The following PHYHIPL variants were observed in gnomAD, a reference collection of about 807,000 sequenced individuals.
PHYHIPL encodes the protein phytanoyl-CoA hydroxylase-interacting protein-like.
A neutral mutation model predicts 33.4 loss-of-function variants in PHYHIPL; 9 were observed. That is an observed-to-expected ratio of 0.27 (90% CI 0.16 to 0.47). The LOEUF (loss-of-function observed/expected upper bound fraction) is 0.47. Among genes scored for constraint, PHYHIPL ranks in the 20% least tolerant of loss-of-function variants. The pLI, the probability that PHYHIPL is intolerant of heterozygous loss-of-function variation, is 0.99. For missense variants in PHYHIPL, 365 were observed against 460.7 expected, an observed-to-expected ratio of 0.79 and a Z score of 1.90; for synonymous variants, 153 against 154.1, an observed-to-expected ratio of 0.99 and a Z score of 0.05.
chr10:59,239,436 A>G (rs190498557), intron 4 of PHYHIPL, among the ~76,000 whole-genome samples: 73 of 152,074 alleles, frequency 4.8e-4, no homozygotes, highest in African/African-American at 1.4e-3. Context: ...CCATAATTCA[A>G]TCAACTCCCA....
intron 1 of PHYHIPL, among the ~76,000 whole-genome samples, chr10:59,195,300 C>T (rs1378613255): frequency 6.6e-6 from 1 of 152,122 alleles, no homozygotes; most frequent in Non-Finnish European, 1.5e-5. Flanking sequence ...AAAAGACTAA[C>T]AAGAGAAAAG....
chr10:59,203,138 T>C (rs1386208416), intron 1 of PHYHIPL, among the ~76,000 whole-genome samples: 1 of 152,156 alleles, frequency 6.6e-6, no homozygotes, highest in African/African-American at 2.4e-5. Flanking sequence ...AAAGAAGGCA[T>C]TTATGCAGCC....
chr10:59,224,103 C>G (rs894282415), intron 1 of PHYHIPL, among the ~76,000 whole-genome samples: 11 of 152,176 alleles, frequency 7.2e-5, no homozygotes, highest in African/African-American at 2.4e-4. Context: ...ATCATGCTCT[C>G]TCCCAGTTTA....
Position 59,183,329 on chromosome 10 carries a change from A to G in PHYHIPL, c.106+6370A>G, listed in dbSNP as rs957392789. ...ATTTTTGAGAGATTAGTATAAAGCA[A>G]AAAGAATTTTTGAGTTATATGAAGA... On this transcript the variant is annotated intron_variant, in intron 1 of 4. Transcript: ENST00000373880. Among the ~76,000 whole-genome samples the G allele has an allele frequency of 2.0e-5, 3 of 152,202 alleles. 1 individual carries two copies. The highest frequency in any genetic ancestry group is 6.5e-5 in the Admixed American group (1 of 15,284).
chr10:59,206,881 TG>T, intron 1 of PHYHIPL: 1 of 880,676 alleles, frequency 1.1e-6, no homozygotes, highest in Non-Finnish European at 1.4e-6. Context: ...GTCATGTTTT[TG>T]ACTTCCCCAA....
chr10:59,173,938 T>G (rs980885519), upstream of PHYHIPL, among the ~76,000 whole-genome samples: 7 of 105,666 alleles, frequency 6.6e-5, no homozygotes, highest in Non-Finnish European at 1.1e-4. Flanking sequence ...TTTTTTTTTT[T>G]TTTTTTTTTT....
chr10:59,211,630 C>G (rs970695079), intron 1 of PHYHIPL, among the ~76,000 whole-genome samples: 1 of 137,736 alleles, frequency 7.3e-6, no homozygotes, highest in African/African-American at 2.8e-5. Flanking sequence ...CCCGCCTCAG[C>G]GTCCCAAAGT....
chr10:59,221,974 A>G (rs778083596), intron 1 of PHYHIPL, among the ~76,000 whole-genome samples: 5 of 152,008 alleles, frequency 3.3e-5, no homozygotes, highest in Non-Finnish European at 7.4e-5. Flanking sequence ...CTCTATTTCT[A>G]ACTCCTAACC....
chr10:59,194,100 T>TTC (rs1283928842), intron 1 of PHYHIPL, among the ~76,000 whole-genome samples: 5 of 150,116 alleles, frequency 3.3e-5, no homozygotes, highest in Non-Finnish European at 7.4e-5. Flanking sequence ...TTTTTTTTTT[T>TTC]TGAGGCAGTC....
chr10:59,231,881 A>G (rs1288907516), intron 1 of PHYHIPL, among the ~76,000 whole-genome samples: 1 of 152,094 alleles, frequency 6.6e-6, no homozygotes, highest in Non-Finnish European at 1.5e-5. Context: ...GATCGTATGC[A>G]GTAAGTAAAG....
chr10:59,207,387 C>T (rs1839315772), intron 1 of PHYHIPL, among the ~76,000 whole-genome samples: 1 of 152,158 alleles, frequency 6.6e-6, no homozygotes. Context: ...AGGACCAGTG[C>T]ACTCCGGCCC....
chr10:59,198,851 T>G (rs1839007953), intron 1 of PHYHIPL, among the ~76,000 whole-genome samples: 1 of 152,240 alleles, frequency 6.6e-6, no homozygotes, highest in East Asian at 1.9e-4. Context: ...CATAAATGCC[T>G]TCTTTTGAGA....
intron 1 of PHYHIPL, among the ~76,000 whole-genome samples, chr10:59,185,999 G>C (rs991933310): frequency 6.6e-6 from 1 of 152,132 alleles, no homozygotes; most frequent in Non-Finnish European, 1.5e-5. Context: ...TTTGGCTTTT[G>C]TTGCCATTGC....
chr10:59,176,560 C>CCCT (rs1454129645), upstream of PHYHIPL: 214 of 236,008 alleles, frequency 9.1e-4, 4 homozygotes, highest in Admixed American at 1.4e-3. Flanking sequence ...AAGCCCTATA[C>CCCT]ATCACGTTCC....
intron 1 of PHYHIPL, among the ~76,000 whole-genome samples, chr10:59,196,728 C>T (rs1838931275): frequency 6.6e-6 from 1 of 152,000 alleles, no homozygotes; most frequent in Admixed American, 6.6e-5. Flanking sequence ...AGTACACTGT[C>T]AACATTTTTT....
intron 1 of PHYHIPL, chr10:59,219,167 T>C (rs1412831524): frequency 2.7e-6 from 2 of 736,122 alleles, no homozygotes; most frequent in African/African-American, 1.9e-5. Flanking sequence ...TTTTGATGCC[T>C]CATAATCATA....
chr10:59,234,714 A>T (rs1386049183), intron 2 of PHYHIPL, among the ~76,000 whole-genome samples: 1 of 151,836 alleles, frequency 6.6e-6, no homozygotes, highest in Non-Finnish European at 1.5e-5. Context: ...ATAATTTTCA[A>T]AAAAAGGTAA....
At chr10:59,211,376 TTTTG>T (rs1235156243) in intron 1 of PHYHIPL, among the ~76,000 whole-genome samples, 1 of 151,940 alleles carries the variant, frequency 6.6e-6, no homozygotes, top group African/African-American at 2.4e-5. Context: ...GGGTCTTTGT[TTTTG>T]TTTTGTTTTG....
chr10:59,189,599 G>GA (rs1838724039), intron 1 of PHYHIPL, among the ~76,000 whole-genome samples: 2 of 151,806 alleles, frequency 1.3e-5, no homozygotes, highest in Admixed American at 1.3e-4. Flanking sequence ...TTAAGAACAG[G>GA]AAAAAAGGAC....
Sources: gnomAD v4.1 joint callset for allele counts (sites outside exome capture counted in the v4.1 genomes callset) on GRCh38, gnomAD v4.1.1 for gene constraint, MANE v1.5 for transcripts, NCBI Gene and HGNC (gene_info 2026-07-23, HGNC 2026-07-21) for gene names.